The following JAZF1 variants were observed in gnomAD, a reference collection of about 807,000 sequenced individuals.
JAZF1 encodes juxtaposed with another zinc finger protein 1.
JAZF1 carries 8 observed loss-of-function variants against 26.4 expected under a neutral mutation model. That is an observed-to-expected ratio of 0.30 (90% CI 0.18 to 0.55). JAZF1 has a LOEUF of 0.55. Among genes scored for constraint, JAZF1 ranks in the 20% least tolerant of loss-of-function variants. JAZF1 has a pLI of 0.94. For missense variants in JAZF1, 199 were observed against 322.0 expected (o/e 0.62, Z 2.92); for synonymous variants, 126 against 122.3 (o/e 1.03, Z -0.20).
At chr7:28,093,033 A>G (rs952557687) in intron 1 of JAZF1, among the ~76,000 whole-genome samples, 2 of 152,222 alleles carry the variant, frequency 1.3e-5, no homozygotes, top group African/African-American at 4.8e-5. Flanking sequence ...GGAAGAACAC[A>G]GAAGGGCACA....
intron 1 of JAZF1, among the ~76,000 whole-genome samples, chr7:28,107,896 G>A (rs1784579429): frequency 6.6e-6 from 1 of 152,166 alleles, no homozygotes; most frequent in Non-Finnish European, 1.5e-5. Flanking sequence ...GCCTACAAAT[G>A]AAACCAGAGA....
chr7:28,125,436 C>T (rs1782679401), intron 1 of JAZF1, among the ~76,000 whole-genome samples: 1 of 152,050 alleles, frequency 6.6e-6, no homozygotes, highest in African/African-American at 2.4e-5. Context: ...AGATAGAAAC[C>T]GGTTTTTAAT....
intron 1 of JAZF1, among the ~76,000 whole-genome samples, chr7:28,034,923 A>G (rs1783259023): frequency 6.6e-6 from 1 of 152,190 alleles, no homozygotes. Context: ...CTGTATATTA[A>G]TGAAATACCA....
intron 4 of JAZF1, 22 bp from the exon 5 acceptor site, chr7:27,832,998 T>G: frequency 6.6e-7 from 1 of 1,523,924 alleles, no homozygotes; most frequent in Non-Finnish European, 8.8e-7. Flanking sequence ...ACAAAAATAT[T>G]TATTACATGG....
chr7:28,007,832 A>G (rs1212215769), intron 1 of JAZF1, among the ~76,000 whole-genome samples: 1 of 152,196 alleles, frequency 6.6e-6, no homozygotes, highest in Non-Finnish European at 1.5e-5. Flanking sequence ...GATATCCCAT[A>G]TACTTTTGCT....
intron 1 of JAZF1, 188 bp from the exon 2 acceptor site, chr7:27,992,169 C>CTTGGGAA: frequency 3.0e-6 from 2 of 659,282 alleles, no homozygotes; most frequent in South Asian, 3.0e-5. Flanking sequence ...TATTGCATTA[C>CTTGGGAA]TTTTCAAGGG....
chr7:28,150,455 C>A (rs1199224911), intron 1 of JAZF1, among the ~76,000 whole-genome samples: 6 of 152,206 alleles, frequency 3.9e-5, no homozygotes, highest in Non-Finnish European at 5.9e-5. Flanking sequence ...CAGTTTAGTG[C>A]ACACATTCAT....
chr7:28,014,422 T>C (rs1782848926), intron 1 of JAZF1, among the ~76,000 whole-genome samples: 1 of 152,186 alleles, frequency 6.6e-6, no homozygotes, highest in Admixed American at 6.5e-5. Context: ...CCATGTGTTG[T>C]GGGACGGACC....
In JAZF1 at chr7:27,831,237, TAACA is replaced by T. The variant is rs142764054; in HGVS notation, c.*1559_*1562del. 23 of 224,968 alleles carry T rather than the reference TAACA, an allele frequency of 1.0e-4. No individual in the cohort carries two copies. The highest frequency in any genetic ancestry group is 1.4e-3 in the Middle Eastern group (1 of 722). The allele number at this position is 224,968 out of a possible 1,614,324, so 13.9% of individuals were successfully genotyped here. A position where few individuals can be genotyped will look rare whatever the true frequency, so the allele number is the denominator to read the frequency against. On this transcript the variant is annotated 3_prime_UTR_variant, in exon 5 of 5. Coordinates refer to ENST00000283928, the MANE Select transcript of JAZF1 (RefSeq NM_175061.4). ...TTATGAATATAGAGGTTTACTCATC[TAACA>T]AACAGAACTGTCATCCTTTCAAAAT...
At chr7:27,993,006 C>G (rs1222271660) in intron 1 of JAZF1, among the ~76,000 whole-genome samples, 1 of 152,158 alleles carries the variant, frequency 6.6e-6, no homozygotes, top group Non-Finnish European at 1.5e-5. Flanking sequence ...GGGAGGGAAG[C>G]AGATACAGTG....
At chr7:27,913,562 C>G (rs1203816402) in intron 2 of JAZF1, 2 of 253,404 alleles carry the variant, frequency 7.9e-6, no homozygotes, top group Non-Finnish European at 1.7e-5. Context: ...GAGTGGAAAC[C>G]CCTTGCTCTC....
chr7:27,902,056 A>G (rs1017282522), intron 2 of JAZF1, among the ~76,000 whole-genome samples: 2 of 152,214 alleles, frequency 1.3e-5, no homozygotes, highest in African/African-American at 4.8e-5. Context: ...TGGCACTAAA[A>G]CATCATTGGA....
intron 1 of JAZF1, among the ~76,000 whole-genome samples, chr7:28,070,947 A>T (rs1251016593): frequency 6.6e-6 from 1 of 152,236 alleles, no homozygotes; most frequent in African/African-American, 2.4e-5. Flanking sequence ...CACAGAGCAG[A>T]CATTCAATAA....
At chr7:27,852,668 T>A (rs1583430918) in intron 3 of JAZF1, among the ~76,000 whole-genome samples, 1 of 152,138 alleles carries the variant, frequency 6.6e-6, no homozygotes, top group East Asian at 1.9e-4. Flanking sequence ...TCCCTGCCTA[T>A]CTGCTAAACG....
intron 2 of JAZF1, among the ~76,000 whole-genome samples, chr7:27,980,424 C>A (rs559773457): frequency 6.6e-6 from 1 of 152,048 alleles, no homozygotes; most frequent in Non-Finnish European, 1.5e-5. Flanking sequence ...ATATTATGTT[C>A]AAGAGTGTAG....
At chr7:27,975,919 C>T (rs1243360036) in intron 2 of JAZF1, among the ~76,000 whole-genome samples, 1 of 152,198 alleles carries the variant, frequency 6.6e-6, no homozygotes, top group East Asian at 1.9e-4. Context: ...TGAATCACAT[C>T]ACCCAACTGT....
intron 1 of JAZF1, among the ~76,000 whole-genome samples, chr7:28,112,102 T>C (rs964099599): frequency 4.6e-5 from 7 of 152,204 alleles, no homozygotes; most frequent in African/African-American, 1.7e-4. Flanking sequence ...GATCATGAGG[T>C]GTCTTCGCCT....
intron 1 of JAZF1, among the ~76,000 whole-genome samples, chr7:28,086,310 A>C (rs557656689): frequency 6.6e-6 from 1 of 152,226 alleles, no homozygotes; most frequent in Non-Finnish European, 1.5e-5. Flanking sequence ...GGTACTCATA[A>C]AAGTTTTTAA....
intron 1 of JAZF1, among the ~76,000 whole-genome samples, chr7:28,143,994 A>G (rs1782992152): frequency 6.6e-6 from 1 of 152,246 alleles, no homozygotes; most frequent in Non-Finnish European, 1.5e-5. Flanking sequence ...GAATGATGGA[A>G]TAAATGAACA....
Sources: gnomAD v4.1 joint callset for allele counts (sites outside exome capture counted in the v4.1 genomes callset) on GRCh38, gnomAD v4.1.1 for gene constraint, MANE v1.5 for transcripts, NCBI Gene and HGNC (gene_info 2026-07-23, HGNC 2026-07-21) for gene names.